CNOT1: variants seen among roughly 807,000 people sequenced by gnomAD.
The protein encoded by CNOT1 is CCR4-NOT transcription complex subunit 1, also known as CCR4-associated factor 1.
In CNOT1, 15 loss-of-function variants were observed where a neutral mutation model predicts 273.8. The observed-to-expected ratio is 0.05, with a 90% CI of 0.04 to 0.08. CNOT1 has a LOEUF of 0.08. Among genes scored for constraint, CNOT1 ranks in the 10% least tolerant of loss-of-function variants. The pLI, the probability that CNOT1 is intolerant of heterozygous loss-of-function variation, is 1.00. For missense variants in CNOT1, 1,644 were observed against 2,912.2 expected (o/e 0.56, Z 10.02); for synonymous variants, 1,022 against 1,005.5 (o/e 1.02, Z -0.31).
chr16:58,533,601 C>T (rs1229163200), intron 40 of CNOT1, among the ~76,000 whole-genome samples: 1 of 152,104 alleles, frequency 6.6e-6, no homozygotes, highest in Admixed American at 6.5e-5. Context: ...CGCCACTGCA[C>T]TCCAGCCTGG....
rs752887956 is a variant in CNOT1, at chr16:58,585,513, G to A, written c.638-7C>T. On this transcript the variant is annotated splice_polypyrimidine_tract_variant and splice_region_variant and intron_variant, in intron 7 of 48. Transcript: ENST00000317147. Reference sequence around the variant, plus strand: ...CAGCGTTCTTGGGGAAAATCTGAGAGAGGAAAAAGGTTACAACTGCTATAC... The same window carrying A: ...CAGCGTTCTTGGGGAAAATCTGAGAAAGGAAAAAGGTTACAACTGCTATAC... 6 of 1,607,982 alleles carry A rather than the reference G, an allele frequency of 3.7e-6. No homozygotes were observed. The highest frequency in any genetic ancestry group is 1.3e-5 in the African/African-American group (1 of 74,504).
Position 58,587,210 on chromosome 16 carries a change from T to C in CNOT1, c.424A>G (p.Arg142Gly), listed in dbSNP as rs1463295474. The change falls in exon 6 of 49, where the codon AGA becomes GGA. Residue 142 changes from arginine to glycine, a missense_variant. Physicochemically the swap from Arg to Gly is moderately radical, Grantham distance 125. This residue lies in a region of CNOT1 where 706 missense variants were observed against 1,021.2 expected (regional missense o/e 0.69). Coordinates refer to ENST00000317147, the MANE Select transcript of CNOT1 (RefSeq NM_016284.5). ...ALLNSSSSDL[R>G]GFAAQFIKQK... ...GGAAAAAGTAACTCACCGAAACCTC[T>C]AAGATCTGAGCTGGAAGAATTCAAC... The C allele has an allele frequency of 6.2e-7, 1 of 1,613,094 alleles. No homozygotes were observed. Among genetic ancestry groups the C allele is most frequent in the Admixed American group, 1.7e-5 (1 of 59,738 alleles).
In CNOT1 at chr16:58,629,770, TCCCCGACTCCGGCTCTCCTCGAC is replaced by T. The variant is rs1309538217; in HGVS notation, c.-240_-218del. On this transcript the variant is annotated 5_prime_UTR_variant, in exon 1 of 49. Coordinates refer to ENST00000317147, the MANE Select transcript of CNOT1 (RefSeq NM_016284.5). ...GCGCTGGACACAGGAAACTCCTGGG[TCCCCGACTCCGGCTCTCCTCGAC>T]CCCCTCTTCGGTTAACTCCGCTTGT... The T allele has an allele frequency of 3.3e-5, 5 of 152,336 alleles. No individual in the cohort carries two copies. Among genetic ancestry groups the T allele is most frequent in the Non-Finnish European group, 7.3e-5 (5 of 68,086 alleles). The allele number at this position is 152,336 out of a possible 1,614,324, so 9.4% of individuals were successfully genotyped here. A position where few individuals can be genotyped will look rare whatever the true frequency, so the allele number is the denominator to read the frequency against.
At chr16:58,609,224 T>C (rs2042799767) in intron 1 of CNOT1, among the ~76,000 whole-genome samples, 1 of 152,004 alleles carries the variant, frequency 6.6e-6, no homozygotes, top group South Asian at 2.1e-4. Context: ...CTACAAAAAT[T>C]AGCCAGGTGT....
chr16:58,559,512 C>A (rs1270253509), intron 17 of CNOT1, among the ~76,000 whole-genome samples: 1 of 152,128 alleles, frequency 6.6e-6, no homozygotes, highest in Non-Finnish European at 1.5e-5. Flanking sequence ...GGAAGATCAG[C>A]TCCAATTTTG....
At chr16:58,600,734 C>T (rs915605041) in intron 1 of CNOT1, among the ~76,000 whole-genome samples, 2 of 152,194 alleles carry the variant, frequency 1.3e-5, no homozygotes, top group Non-Finnish European at 2.9e-5. Flanking sequence ...AGCAGTACAG[C>T]TAAAATGACA....
At chr16:58,541,399 T>C (rs2040092614) in intron 34 of CNOT1, 102 bp downstream of exon 34, 1 of 1,509,120 alleles carries the variant, frequency 6.6e-7, no homozygotes, top group Non-Finnish European at 8.9e-7. Flanking sequence ...TTTTTTCCCC[T>C]GTAAATTATT....
chr16:58,562,991 A>C (rs79886955), intron 16 of CNOT1, among the ~76,000 whole-genome samples: 2,282 of 152,340 alleles, frequency 0.015, 46 homozygotes, highest in African/African-American at 0.052. Context: ...AACAGTACTG[A>C]ATAAGCCTAT....
chr16:58,624,956 A>G (rs1481498310), intron 1 of CNOT1, among the ~76,000 whole-genome samples: 2 of 152,006 alleles, frequency 1.3e-5, no homozygotes, highest in Non-Finnish European at 2.9e-5. Context: ...TTAAAAAAAA[A>G]AAGTATCATA....
At chr16:58,581,908 C>T (rs1339337322) in intron 10 of CNOT1, among the ~76,000 whole-genome samples, 1 of 152,118 alleles carries the variant, frequency 6.6e-6, no homozygotes, top group African/African-American at 2.4e-5. Context: ...TGTGATCCAC[C>T]TGCCTCGGCC....
At chr16:58,615,845 G>A (rs2043055200) in intron 1 of CNOT1, among the ~76,000 whole-genome samples, 1 of 123,488 alleles carries the variant, frequency 8.1e-6, no homozygotes, top group Non-Finnish European at 1.9e-5. Flanking sequence ...ACTTTGGGAG[G>A]CCAAGAAGGG....
At chr16:58,604,104 A>G (rs2152018203) in intron 1 of CNOT1, among the ~76,000 whole-genome samples, 1 of 152,316 alleles carries the variant, frequency 6.6e-6, no homozygotes, top group Non-Finnish European at 1.5e-5. Flanking sequence ...CATATACAAC[A>G]ATTACATGAG....
chr16:58,622,848 C>CA (rs11372225), intron 1 of CNOT1, among the ~76,000 whole-genome samples: 7,710 of 104,266 alleles, frequency 0.074, 248 homozygotes, highest in Middle Eastern at 0.12. Flanking sequence ...ACTCTTGACC[C>CA]AAAAAAAAAA....
At chr16:58,621,007 A>C (rs574560503) in intron 1 of CNOT1, among the ~76,000 whole-genome samples, 36 of 128,074 alleles carry the variant, frequency 2.8e-4, no homozygotes, top group African/African-American at 1.1e-3. Flanking sequence ...GAAACTAGAC[A>C]AAAAGATAAC....
chr16:58,618,930 C>T (rs556656689), intron 1 of CNOT1, among the ~76,000 whole-genome samples: 4 of 152,240 alleles, frequency 2.6e-5, no homozygotes, highest in African/African-American at 4.8e-5. Context: ...TGGTGGCTCC[C>T]GCCTGTAATC....
intron 2 of CNOT1, chr16:58,598,094 T>C (rs1008517894): frequency 6.0e-6 from 1 of 165,568 alleles, no homozygotes; most frequent in East Asian, 1.9e-4. Flanking sequence ...TGAAACCCCA[T>C]CTCTACTAAA....
At chr16:58,627,914 G>A (rs562276812) in intron 1 of CNOT1, among the ~76,000 whole-genome samples, 14 of 152,208 alleles carry the variant, frequency 9.2e-5, no homozygotes, top group African/African-American at 1.9e-4. Context: ...TGCAACCTCC[G>A]CCTCCCGGGT....
At position 58,559,098 on chromosome 16, in the gene CNOT1, A is replaced by G. The variant is rs549667048; in HGVS notation, c.2131-424T>C. ...AATGTAATTTTATACAGTTTTTTTAAAAGAATTTTTTGCATGAAACATAAT... is the reference window on the plus strand; with the variant it reads ...AATGTAATTTTATACAGTTTTTTTAGAAGAATTTTTTGCATGAAACATAAT... On this transcript the variant is annotated intron_variant, in intron 17 of 48. Transcript: ENST00000317147. Among the ~76,000 whole-genome samples the G allele has an allele frequency of 8.5e-5, 13 of 152,310 alleles. No individual in the cohort carries two copies. The East Asian group carries it at 2.3e-3, about 27-fold the overall frequency.
chr16:58,583,429 C>T (rs57709351), intron 8 of CNOT1, among the ~76,000 whole-genome samples: 1,710 of 152,296 alleles, frequency 0.011, 35 homozygotes, highest in African/African-American at 0.04. Context: ...TGTATGTTCT[C>T]ACTTGTTAGA....
Sources: gnomAD v4.1 joint callset for allele counts (sites outside exome capture counted in the v4.1 genomes callset) on GRCh38, gnomAD v4.1.1 for gene constraint, gnomAD v4.1.1 regional missense constraint, MANE v1.5 for transcripts, NCBI Gene and HGNC (gene_info 2026-07-23, HGNC 2026-07-21) for gene names.